Variants in SLC9A9 observed in about 807,000 individuals in gnomAD.
SLC9A9 encodes the protein sodium/hydrogen exchanger 9.
Under a neutral mutation model 77.8 loss-of-function variants are expected in SLC9A9, and 62 were observed. That is an observed-to-expected ratio of 0.80 (90% CI 0.65 to 0.98). The LOEUF is 0.98. SLC9A9 is among the 50% of genes least tolerant of loss of function. The pLI is 0.00. For missense variants in SLC9A9, 775 were observed against 774.9 expected (o/e 1.00, Z 0.00); for synonymous variants, 320 against 283.5 (o/e 1.13, Z -1.29).
chr3:143,474,807 G>C (rs368793078), intron 11 of SLC9A9, among the ~76,000 whole-genome samples: 8 of 141,156 alleles, frequency 5.7e-5, no homozygotes, highest in African/African-American at 1.9e-4. Context: ...AGTTTATTTT[G>C]AACCAGGTTT....
At chr3:143,535,999 C>T (rs575223944) in intron 9 of SLC9A9, among the ~76,000 whole-genome samples, 63 of 152,112 alleles carry the variant, frequency 4.1e-4, no homozygotes, top group South Asian at 1.2e-3. Flanking sequence ...CTCATTGGGG[C>T]GCCAAATAAT....
chr3:143,794,259 A>T (rs911519793), intron 4 of SLC9A9, among the ~76,000 whole-genome samples: 2 of 152,102 alleles, frequency 1.3e-5, no homozygotes, highest in African/African-American at 2.4e-5. Flanking sequence ...AAAATCAAGG[A>T]TAGAGTTGAC....
At position 143,355,792 on chromosome 3, in the gene SLC9A9, G is replaced by C. The variant is rs541867545; in HGVS notation, c.1604+7692C>G. On this transcript the variant is annotated intron_variant, in intron 14 of 15. Coordinates refer to ENST00000316549, the MANE Select transcript of SLC9A9 (RefSeq NM_173653.4). The stretch of plus-strand genomic sequence containing the variant: ...ATAAGCGAGTGAATAAATTGATGAG[G>C]AAAGTCTAATGTGGTGCTTTGCACT... 3.3e-5 allele frequency among the ~76,000 whole-genome samples: 5 copies of C among 152,260 alleles called. No homozygotes were observed. In the South Asian group the frequency reaches 1.0e-3, roughly 32 times the overall value.
intron 11 of SLC9A9, among the ~76,000 whole-genome samples, chr3:143,481,191 G>A (rs2035567747): frequency 6.6e-6 from 1 of 152,168 alleles, no homozygotes; most frequent in Non-Finnish European, 1.5e-5. Flanking sequence ...GGGAGTATGG[G>A]CAGGCAAACT....
At chr3:143,434,072 G>T (rs1276567530) in intron 12 of SLC9A9, among the ~76,000 whole-genome samples, 1 of 152,096 alleles carries the variant, frequency 6.6e-6, no homozygotes, top group Non-Finnish European at 1.5e-5. Context: ...GAAAAGTAAA[G>T]TATATGGCAC....
intron 4 of SLC9A9, among the ~76,000 whole-genome samples, chr3:143,784,888 A>T (rs1042104277): frequency 6.6e-6 from 1 of 152,176 alleles, no homozygotes; most frequent in Non-Finnish European, 1.5e-5. Context: ...GTGCCCTTAT[A>T]AAAAGGATGC....
At chr3:143,312,212 T>C (rs987820830) in intron 14 of SLC9A9, among the ~76,000 whole-genome samples, 7 of 152,238 alleles carry the variant, frequency 4.6e-5, no homozygotes, top group African/African-American at 1.4e-4. Context: ...AGGTTAAAAA[T>C]GTATTGCCAC....
At chr3:143,688,586 C>T (rs1272690326) in intron 5 of SLC9A9, among the ~76,000 whole-genome samples, 1 of 152,044 alleles carries the variant, frequency 6.6e-6, no homozygotes, top group African/African-American at 2.4e-5. Context: ...CCAGTGGCTG[C>T]CAAGGGACTT....
intron 14 of SLC9A9, chr3:143,347,189 A>G (rs1184073596): frequency 6.6e-6 from 1 of 152,152 alleles, no homozygotes; most frequent in Non-Finnish European, 1.5e-5. Flanking sequence ...CAGAAGAAAC[A>G]TCCTAGCTAT....
At chr3:143,409,778 T>C (rs2034055522) in intron 12 of SLC9A9, among the ~76,000 whole-genome samples, 1 of 152,222 alleles carries the variant, frequency 6.6e-6, no homozygotes, top group Non-Finnish European at 1.5e-5. Flanking sequence ...AGCAGATTTG[T>C]TTAAAAGAGT....
At chr3:143,638,504 A>G (rs1284532336) in intron 6 of SLC9A9, among the ~76,000 whole-genome samples, 1 of 152,232 alleles carries the variant, frequency 6.6e-6, no homozygotes, top group Non-Finnish European at 1.5e-5. Flanking sequence ...ATCCATGAAG[A>G]ACTTCTAAAT....
intron 4 of SLC9A9, among the ~76,000 whole-genome samples, chr3:143,749,585 A>T (rs565604866): frequency 1.7e-4 from 26 of 152,304 alleles, no homozygotes; most frequent in African/African-American, 5.8e-4. Flanking sequence ...AAACTTCAGT[A>T]CTCCATCAGT....
At chr3:143,680,003 C>G (rs140830809) in intron 5 of SLC9A9, among the ~76,000 whole-genome samples, 2 of 151,856 alleles carry the variant, frequency 1.3e-5, no homozygotes, top group Admixed American at 6.6e-5. Flanking sequence ...AGGAACTCCT[C>G]CAGCAGGAAG....
chr3:143,739,303 G>A lies in SLC9A9; in HGVS notation c.534-45996C>T, dbSNP rs371181761. ...TCATCACTTCTATCACGCAGAAAAT[G>A]CCAAGGGTTTTAAGAGTTCTGTGCC... On this transcript the variant is annotated intron_variant, in intron 4 of 15. Coordinates refer to ENST00000316549, the MANE Select transcript of SLC9A9 (RefSeq NM_173653.4). Among the ~76,000 whole-genome samples, 3 of 152,140 alleles carry A rather than the reference G, an allele frequency of 2.0e-5. No homozygotes were observed. The East Asian group carries it at 5.8e-4, about 29-fold the overall frequency.
intron 14 of SLC9A9, among the ~76,000 whole-genome samples, chr3:143,282,351 A>ATACTT (rs1938246163): frequency 6.6e-6 from 1 of 152,134 alleles, no homozygotes; most frequent in South Asian, 2.1e-4. Flanking sequence ...TACCCACCAA[A>ATACTT]TACTTTACAG....
intron 4 of SLC9A9, among the ~76,000 whole-genome samples, chr3:143,716,025 G>A (rs972666925): frequency 6.6e-6 from 1 of 152,180 alleles, no homozygotes; most frequent in Non-Finnish European, 1.5e-5. Context: ...TTTCACATAA[G>A]TGTTACTTTG....
At chr3:143,780,577 T>C (rs1560076064) in intron 4 of SLC9A9, among the ~76,000 whole-genome samples, 1 of 152,204 alleles carries the variant, frequency 6.6e-6, no homozygotes, top group African/African-American at 2.4e-5. Flanking sequence ...AAATGGAAGA[T>C]ATAAGGCTAA....
intron 9 of SLC9A9, among the ~76,000 whole-genome samples, chr3:143,526,718 G>A (rs1490374050): frequency 1.3e-5 from 2 of 152,152 alleles, no homozygotes; most frequent in Non-Finnish European, 2.9e-5. Flanking sequence ...TCTTGAAGCC[G>A]ATTCAAAAAC....
intron 5 of SLC9A9, among the ~76,000 whole-genome samples, chr3:143,678,531 A>G (rs1405333135): frequency 2.6e-5 from 4 of 152,332 alleles, no homozygotes; most frequent in African/African-American, 7.2e-5. Flanking sequence ...TGCTAGTACC[A>G]TTTGTTAAAT....
Sources: gnomAD v4.1 joint callset for allele counts (sites outside exome capture counted in the v4.1 genomes callset) on GRCh38, gnomAD v4.1.1 for gene constraint, MANE v1.5 for transcripts, NCBI Gene and HGNC (gene_info 2026-07-23, HGNC 2026-07-21) for gene names.